Variants in RFX3 observed in about 807,000 individuals in gnomAD.
RFX3 encodes the protein regulatory factor X3.
In RFX3, 14 loss-of-function variants were observed where a neutral mutation model predicts 98.6. The observed-to-expected ratio is 0.14, with a 90% CI of 0.09 to 0.22. RFX3 has a LOEUF of 0.22. RFX3 is among the 10% of genes least tolerant of loss of function. The probability of loss-of-function intolerance (pLI) is 1.00; values close to 1 mark genes in which losing one functional copy is unlikely to be tolerated. For synonymous variants in RFX3, 383 were observed against 328.4 expected (o/e 1.17, Z -1.80); for missense variants, 639 against 926.9 (o/e 0.69, Z 4.03).
intron 14 of RFX3, among the ~76,000 whole-genome samples, chr9:3,249,347 TTC>T (rs1343807531): frequency 6.6e-6 from 1 of 152,202 alleles, no homozygotes; most frequent in Non-Finnish European, 1.5e-5. Flanking sequence ...AAGCCTTGAA[TTC>T]TGATTCTGTC....
chr9:3,423,591 A>G (rs1181677442), intron 1 of RFX3, among the ~76,000 whole-genome samples: 1 of 151,942 alleles, frequency 6.6e-6, no homozygotes, highest in Non-Finnish European at 1.5e-5. Context: ...AATCTCATCT[A>G]GAGAGACAGA....
intron 7 of RFX3, among the ~76,000 whole-genome samples, chr9:3,278,514 A>C (rs755431430): frequency 8.6e-5 from 13 of 151,788 alleles, no homozygotes; most frequent in Non-Finnish European, 1.6e-4. Flanking sequence ...TGACCCCTAC[A>C]TTGATACTAA....
chr9:3,302,980 A>T (rs1329451030), intron 4 of RFX3, among the ~76,000 whole-genome samples: 1 of 151,858 alleles, frequency 6.6e-6, no homozygotes, highest in African/African-American at 2.4e-5. Context: ...TCATAAAAAA[A>T]TTCTTAAAAT....
intron 3 of RFX3, among the ~76,000 whole-genome samples, chr9:3,332,814 T>C (rs1832748318): frequency 6.6e-6 from 1 of 152,192 alleles, no homozygotes; most frequent in South Asian, 2.1e-4. Flanking sequence ...GCCTTTCTGC[T>C]TCACTACATA....
chr9:3,368,780 G>C (rs1837494386), intron 2 of RFX3, among the ~76,000 whole-genome samples: 1 of 151,866 alleles, frequency 6.6e-6, no homozygotes. Flanking sequence ...CCTAAGTACT[G>C]TAGTTTATAA....
At chr9:3,393,798 T>C (rs1840564662) in intron 2 of RFX3, among the ~76,000 whole-genome samples, 1 of 151,958 alleles carries the variant, frequency 6.6e-6, no homozygotes, top group African/African-American at 2.4e-5. Flanking sequence ...AACATAAAGA[T>C]GACAATAAGA....
intron 1 of RFX3, among the ~76,000 whole-genome samples, chr9:3,483,584 T>TA (rs138510132): frequency 0.021 from 3,122 of 152,264 alleles, 109 homozygotes; most frequent in African/African-American, 0.071. Context: ...AGGGGAACTC[T>TA]ATAATCAGAC....
chr9:3,241,777 T>C (rs1819958991), intron 15 of RFX3, among the ~76,000 whole-genome samples: 1 of 152,226 alleles, frequency 6.6e-6, no homozygotes. Context: ...TTTGTTCTTT[T>C]CCGGCAGATT....
At chr9:3,398,282 C>G (rs893430245) in intron 1 of RFX3, among the ~76,000 whole-genome samples, 1 of 151,646 alleles carries the variant, frequency 6.6e-6, no homozygotes, top group Non-Finnish European at 1.5e-5. Context: ...GGAGAGAATA[C>G]ACAAATTAAG....
At chr9:3,244,179 T>C (rs472139) in intron 15 of RFX3, among the ~76,000 whole-genome samples, 113,670 of 151,572 alleles carry the variant, frequency 0.75, 44,937 homozygotes, top group East Asian at 0.87. Context: ...ATTTTTTTTG[T>C]ATTTTTAGTA....
At chr9:3,239,271 C>T (rs1396245756) in intron 15 of RFX3, among the ~76,000 whole-genome samples, 1 of 152,174 alleles carries the variant, frequency 6.6e-6, no homozygotes, top group Non-Finnish European at 1.5e-5. Flanking sequence ...AACAACATTC[C>T]ATTTGGTAAA....
At chr9:3,312,594 G>C (rs1028841969) in intron 4 of RFX3, among the ~76,000 whole-genome samples, 21 of 152,042 alleles carry the variant, frequency 1.4e-4, no homozygotes, top group East Asian at 1.9e-4. Context: ...AAAAAGCAGG[G>C]GGATTGAGGT....
At chr9:3,325,359 G>T (rs1831792806) in intron 4 of RFX3, among the ~76,000 whole-genome samples, 1 of 151,880 alleles carries the variant, frequency 6.6e-6, no homozygotes, top group Non-Finnish European at 1.5e-5. Context: ...TACTTATATA[G>T]CAGCAGATGG....
chr9:3,441,070 A>G (rs1845564833), intron 1 of RFX3, among the ~76,000 whole-genome samples: 1 of 152,188 alleles, frequency 6.6e-6, no homozygotes, highest in African/African-American at 2.4e-5. Flanking sequence ...CATACACAAA[A>G]TTAACTAAAA....
At chr9:3,307,190 T>C (rs1439658913) in intron 4 of RFX3, among the ~76,000 whole-genome samples, 1 of 152,108 alleles carries the variant, frequency 6.6e-6, no homozygotes, top group Non-Finnish European at 1.5e-5. Context: ...CCGCTTTCCT[T>C]TGTAAATTGC....
At chr9:3,262,246 C>A (rs983495154) in intron 13 of RFX3, among the ~76,000 whole-genome samples, 2 of 151,930 alleles carry the variant, frequency 1.3e-5, no homozygotes, top group Non-Finnish European at 2.9e-5. Flanking sequence ...ACTTTAGAAT[C>A]AAAAATAAAG....
intron 2 of RFX3, among the ~76,000 whole-genome samples, chr9:3,350,428 G>A (rs529531131): frequency 6.6e-6 from 1 of 152,188 alleles, no homozygotes; most frequent in Admixed American, 6.5e-5. Flanking sequence ...ATGCTAGCAG[G>A]GATGTGAGAA....
At chr9:3,396,737 C>T (rs576745364) in intron 1 of RFX3, among the ~76,000 whole-genome samples, 1 of 152,270 alleles carries the variant, frequency 6.6e-6, no homozygotes, top group East Asian at 1.9e-4. Flanking sequence ...GCCATTCTAA[C>T]TGGTGTGAGA....
intron 4 of RFX3, among the ~76,000 whole-genome samples, chr9:3,308,088 A>G (rs1277820940): frequency 2.0e-5 from 3 of 152,164 alleles, no homozygotes; most frequent in East Asian, 3.9e-4. Context: ...TAAAAAATCA[A>G]TTCTCTGAAC....
Sources: gnomAD v4.1 joint callset for allele counts (sites outside exome capture counted in the v4.1 genomes callset) on GRCh38, gnomAD v4.1.1 for gene constraint, MANE v1.5 for transcripts, NCBI Gene and HGNC (gene_info 2026-07-23, HGNC 2026-07-21) for gene names.